The following SLA variants were observed in gnomAD, a reference collection of about 807,000 sequenced individuals.
SLA encodes src-like-adapter.
A neutral mutation model predicts 30.3 loss-of-function variants in SLA; 16 were observed. The ratio of observed to expected loss-of-function variants is 0.53; its 90% CI spans 0.36 to 0.80. The LOEUF (loss-of-function observed/expected upper bound fraction) is 0.80, where lower values mean the gene tolerates loss of function less well. Ranked by LOEUF, SLA falls within the 30% of genes least tolerant of loss-of-function variation. The probability of loss-of-function intolerance (pLI) is 0.01; values close to 1 mark genes in which losing one functional copy is unlikely to be tolerated. For missense variants in SLA, 310 were observed against 345.2 expected, an observed-to-expected ratio of 0.90 and a Z score of 0.81; for synonymous variants, 143 against 137.8, an observed-to-expected ratio of 1.04 and a Z score of -0.26.
intron 1 of SLA, among the ~76,000 whole-genome samples, chr8:133,081,605 C>T (rs1845759465): frequency 6.6e-6 from 1 of 152,164 alleles, no homozygotes; most frequent in Non-Finnish European, 1.5e-5. Context: ...AAAGTAGCCG[C>T]TTTATGTCCA....
intron 1 of SLA, among the ~76,000 whole-genome samples, chr8:133,093,742 C>T (rs1847954012): frequency 6.6e-6 from 1 of 152,206 alleles, no homozygotes. Context: ...GTGCCACCAC[C>T]TTTCATCAGG....
chr8:133,055,188 G>GAC (rs1841147014), intron 3 of SLA, among the ~76,000 whole-genome samples: 1 of 152,156 alleles, frequency 6.6e-6, no homozygotes, highest in South Asian at 2.1e-4. Flanking sequence ...CTCCAGGTAA[G>GAC]TTGTCAGGGT....
At chr8:133,085,951 C>T (rs7844893) in intron 1 of SLA, among the ~76,000 whole-genome samples, 5,165 of 152,094 alleles carry the variant, frequency 0.034, 304 homozygotes, top group African/African-American at 0.12. Context: ...TCATAATTGG[C>T]AAAAAGTAGA....
At chr8:133,067,915 GAAAGAGAGAGAGAGAGA>G (rs1843321821) in intron 2 of SLA, among the ~76,000 whole-genome samples, 1 of 36,920 alleles carries the variant, frequency 2.7e-5, no homozygotes, top group African/African-American at 6.9e-5. Flanking sequence ...AGGAAGGAAG[GAAAGAGAGAGAGAGAGA>G]AAGAAAGAAA....
chr8:133,096,571 C>T lies in SLA; in HGVS notation c.-319+5982G>A, dbSNP rs560167202. ...AGGGTAGTGAGCAACACAGGCACAT[C>T]CACAAATTACAGCTGTGAATGAATC... On this transcript the variant is annotated intron_variant, in intron 1 of 8. Coordinates refer to ENST00000338087, the MANE Select transcript of SLA (RefSeq NM_001045556.3). Among the ~76,000 whole-genome samples the T allele has an allele frequency of 1.2e-4, 19 of 152,244 alleles. 1 individual carries two copies. The highest frequency in any genetic ancestry group is 1.0e-3 in the South Asian group (5 of 4,824).
At chr8:133,041,784 G>GT (rs529937626) in intron 7 of SLA, among the ~76,000 whole-genome samples, 7,634 of 124,308 alleles carry the variant, frequency 0.061, 565 homozygotes, top group African/African-American at 0.15. Flanking sequence ...CTTGTGGTCA[G>GT]TTTTTTTTTT....
chr8:133,075,457 A>G (rs1267226582), intron 1 of SLA, among the ~76,000 whole-genome samples: 1 of 152,230 alleles, frequency 6.6e-6, no homozygotes, highest in Non-Finnish European at 1.5e-5. Context: ...GTCAAGGGAA[A>G]AAAACTAGAA....
At chr8:133,039,321 T>C (rs1837719547) in intron 8 of SLA, among the ~76,000 whole-genome samples, 1 of 152,234 alleles carries the variant, frequency 6.6e-6, no homozygotes, top group African/African-American at 2.4e-5. Context: ...TCTGAACTGC[T>C]CTTTTCTTGG....
rs117469795 is a variant in SLA, at chr8:133,093,669, C to T, written c.-319+8884G>A. On this transcript the variant is annotated intron_variant, in intron 1 of 8. Transcript: ENST00000338087. ...TGGCTGAGATTCTGACTGGCCTTGC[C>T]TCTGACCCTAGCCACATGTCCCTTC... Among the ~76,000 whole-genome samples the T allele has an allele frequency of 9.7e-3, 1,471 of 152,316 alleles. 13 individuals carry two copies. Among genetic ancestry groups the T allele is most frequent in the Middle Eastern group, 0.02 (6 of 294 alleles).
chr8:133,060,099 C>G lies in SLA; in HGVS notation c.61+1G>C. ...CATCTCACCAGAGAAGCCAGACTTA[C>G]CCTCCGGGTTGGGCAGGGGCCTCTC... On this transcript the variant is annotated splice_donor_variant, in intron 3 of 8. Transcript: ENST00000338087. LOFTEE classifies it high-confidence loss of function. The G allele has an allele frequency of 1.3e-6, 2 of 1,593,752 alleles. No individual in the cohort carries two copies. Among genetic ancestry groups the G allele is most frequent in the Non-Finnish European group, 8.5e-7 (1 of 1,173,542 alleles).
chr8:133,090,224 G>A (rs569196243), intron 1 of SLA: 10 of 152,312 alleles, frequency 6.6e-5, no homozygotes, highest in South Asian at 2.1e-4. Flanking sequence ...AGATAGTCAC[G>A]TTTCTAGAGG....
chr8:133,046,871 G>C (rs565752751), intron 6 of SLA, among the ~76,000 whole-genome samples: 301 of 152,268 alleles, frequency 2.0e-3, no homozygotes, highest in African/African-American at 7.0e-3. Flanking sequence ...TTTGGTGAAG[G>C]GCTCTAGCAC....
chr8:133,076,759 T>TAAAAAA (rs35056813), intron 1 of SLA: 2,010 of 128,200 alleles, frequency 0.016, 54 homozygotes, highest in African/African-American at 0.057. Context: ...GATTTAGCTG[T>TAAAAAA]AAAAAAAAAA....
chr8:133,084,391 T>G (rs1280803836), intron 1 of SLA, among the ~76,000 whole-genome samples: 2 of 152,156 alleles, frequency 1.3e-5, no homozygotes, highest in African/African-American at 4.8e-5. Context: ...TGTGTATGTA[T>G]GAAGTACTCA....
chr8:133,063,751 A>G (rs1056604876), intron 2 of SLA: 9 of 152,358 alleles, frequency 5.9e-5, no homozygotes, highest in African/African-American at 1.9e-4. Context: ...CAAAAAAACC[A>G]TCAGGTCTCA....
At chr8:133,083,270 C>G (rs561295953) in intron 1 of SLA, among the ~76,000 whole-genome samples, 7 of 152,112 alleles carry the variant, frequency 4.6e-5, no homozygotes, top group African/African-American at 1.2e-4. Flanking sequence ...TTTTTTGAAC[C>G]TGTTACTTAA....
At chr8:133,050,968 G>A in intron 3 of SLA, 53 bp from the exon 4 acceptor site, 1 of 1,014,276 alleles carries the variant, frequency 9.9e-7, no homozygotes, top group South Asian at 1.3e-5. Flanking sequence ...TATTCACAAG[G>A]AGCTTAAAGG....
chr8:133,055,365 GCACACACACACACA>G (rs869172140), intron 3 of SLA, among the ~76,000 whole-genome samples: 53 of 62,276 alleles, frequency 8.5e-4, no homozygotes, highest in African/African-American at 5.0e-3. Context: ...ACGCACGCGC[GCACACACACACACA>G]CACACACACA....
chr8:133,060,746 G>C (rs1377825455), intron 2 of SLA, among the ~76,000 whole-genome samples: 1 of 152,230 alleles, frequency 6.6e-6, no homozygotes, highest in Non-Finnish European at 1.5e-5. Context: ...GCATGCTGCT[G>C]AAGCCCTTTC....
Sources: allele counts gnomAD v4.1 joint callset (sites outside exome capture counted in the v4.1 genomes callset), GRCh38; gene constraint gnomAD v4.1.1; transcripts MANE v1.5; gene names NCBI Gene and HGNC (gene_info 2026-07-23, HGNC 2026-07-21).